The following MAST3 variants were observed in gnomAD, a reference collection of about 807,000 sequenced individuals.
MAST3 encodes the protein microtubule-associated serine/threonine-protein kinase 3.
Under a neutral mutation model 127.0 loss-of-function variants are expected in MAST3, and 43 were observed. That is an observed-to-expected ratio of 0.34 (90% CI 0.27 to 0.44). MAST3 has a LOEUF of 0.44. Among genes scored for constraint, MAST3 ranks in the 20% least tolerant of loss-of-function variants. MAST3 has a pLI of 1.00. For synonymous variants in MAST3, 785 were observed against 809.2 expected (o/e 0.97, Z 0.51); for missense variants, 1,390 against 1,919.1 (o/e 0.72, Z 5.15).
Position 18,144,772 on chromosome 19 carries a change from G to A in MAST3, c.2812+79G>A. The A allele has an allele frequency of 6.8e-7, 1 of 1,474,878 alleles. No individual in the cohort carries two copies. 91.4% of individuals were successfully genotyped at this position (1,474,878 alleles called of 1,614,324 possible). On this transcript the variant is annotated intron_variant, in intron 23 of 27. Coordinates refer to ENST00000687212, the MANE Select transcript of MAST3 (RefSeq NM_001393504.1). The surrounding 1 kb of genome is among the most constrained non-coding windows in gnomAD (Gnocchi z 4.0). ...AGGGTGGGGGCCCTTCCTGAGTTGG[G>A]GAGGCTGGGGATGAGCCCCAGAAGA...
intron 20 of MAST3, among the ~76,000 whole-genome samples, chr19:18,140,644 C>T (rs958320905): frequency 2.0e-5 from 3 of 152,154 alleles, no homozygotes; most frequent in Non-Finnish European, 2.9e-5. Flanking sequence ...AAGGCTCATC[C>T]CTACTGCAGT....
At chr19:18,130,402 C>A in intron 13 of MAST3, 92 bp from the exon 14 acceptor site, 1 of 1,168,730 alleles carries the variant, frequency 8.6e-7, no homozygotes, top group Non-Finnish European at 1.2e-6. Flanking sequence ...CAGGCAAAGG[C>A]CAGGCAGGTT....
chr19:18,146,782 CCCAGCTGGTG>C (rs1208536735), intron 25 of MAST3, 89 bp from the exon 26 acceptor site: 12 of 1,226,340 alleles, frequency 9.8e-6, no homozygotes, highest in African/African-American at 1.5e-5. Flanking sequence ...GGTGGTGGGT[CCCAGCTGGTG>C]CCCGGAGTGA....
chr19:18,129,121 C>T (rs936062888), intron 13 of MAST3, 170 bp downstream of exon 13: 122 of 639,900 alleles, frequency 1.9e-4, no homozygotes, highest in South Asian at 1.2e-3. Flanking sequence ...CACGCCATAG[C>T]GAGGTTACAG....
Position 18,144,678 on chromosome 19 carries a change from C to G in MAST3, c.2797C>G (p.Leu933Val). The G allele has an allele frequency of 6.2e-7, 1 of 1,608,726 alleles. No individual in the cohort carries two copies. Among genetic ancestry groups the G allele is most frequent in the South Asian group, 1.1e-5 (1 of 91,088 alleles). The change falls in exon 23 of 28, where the codon CTC becomes GTC. Residue 933 changes from leucine to valine, a missense_variant. Leu to Val is a conservative substitution (Grantham distance 32). Around this residue, in one of 5 missense-constraint regions of MAST3, gnomAD observed 816 missense variants for 934.1 expected, o/e 0.87. Coordinates refer to ENST00000687212, the MANE Select transcript of MAST3 (RefSeq NM_001393504.1). The surrounding 1 kb of genome is among the most constrained non-coding windows in gnomAD (Gnocchi z 4.0). ...PKSASVSALS[L>V]IITADDGSGG... Reference sequence around the variant, plus strand: ...GTCAGCCTCTGTCTCTGCCCTGTCCCTCATCATCACGGCAGGTAATGCCCA... The same window carrying G: ...GTCAGCCTCTGTCTCTGCCCTGTCCGTCATCATCACGGCAGGTAATGCCCA...
At position 18,150,066 on chromosome 19, in the gene MAST3, A is replaced by G. The variant is rs1306372336; in HGVS notation, c.*340A>G. Reference sequence around the variant, plus strand: ...CAGCGGCGTGATCTCAGCTCACTGCAACCTCCGCCTCCCAAGTTCAAGCGA... The same window carrying G: ...CAGCGGCGTGATCTCAGCTCACTGCGACCTCCGCCTCCCAAGTTCAAGCGA... On this transcript the variant is annotated 3_prime_UTR_variant, in exon 28 of 28. Transcript: ENST00000687212. 4.1e-6 allele frequency: 1 copy of G among 246,856 alleles called. No homozygotes were observed. The highest frequency in any genetic ancestry group is 2.4e-5 in the African/African-American group (1 of 41,078). The allele number at this position is 246,856 out of a possible 1,614,324, so 15.3% of individuals were successfully genotyped here. A position where few individuals can be genotyped will look rare whatever the true frequency, so the allele number is the denominator to read the frequency against.
At position 18,149,266 on chromosome 19, in the gene MAST3, G is replaced by C; in HGVS notation, c.3584G>C (p.Arg1195Pro). The change falls in exon 28 of 28, where the codon CGC becomes CCC. Residue 1195 changes from arginine (R) to proline (P), a missense_variant. Physicochemically the swap from Arg to Pro is moderately radical, Grantham distance 103. Around this residue, in one of 5 missense-constraint regions of MAST3, gnomAD observed 816 missense variants for 934.1 expected, o/e 0.87. Coordinates refer to ENST00000687212, the MANE Select transcript of MAST3 (RefSeq NM_001393504.1). This position sits in a 1 kb window ranked among gnomAD's most constrained non-coding sequence, Gnocchi z 5.9. ...TCCCCAGCTGCTGCTGGCCACACCC[G>C]CCCCAGCTCCCTGCACGGCCTGGCT... Reference protein sequence around the residue: ...PASPAAAGHTRPSSLHGLAAK... With the variant: ...PASPAAAGHTPPSSLHGLAAK... The C allele has an allele frequency of 6.9e-7, 1 of 1,442,430 alleles. No individual in the cohort carries two copies. Among genetic ancestry groups the C allele is most frequent in the Non-Finnish European group, 9.2e-7 (1 of 1,091,506 alleles). 89.4% of individuals were successfully genotyped at this position (1,442,430 alleles called of 1,614,324 possible).
intron 13 of MAST3, chr19:18,129,488 G>A (rs12609740): frequency 0.11 from 16,824 of 153,604 alleles, 1,175 homozygotes; most frequent in Admixed American, 0.15. Flanking sequence ...AGCAGCTTAG[G>A]GTCTTGAAAT....
In MAST3 at chr19:18,149,739, T is replaced by G. The variant is rs767536822; in HGVS notation, c.*13T>G. On this transcript the variant is annotated 3_prime_UTR_variant, in exon 28 of 28. Coordinates refer to ENST00000687212, the MANE Select transcript of MAST3 (RefSeq NM_001393504.1). This position sits in a 1 kb window ranked among gnomAD's most constrained non-coding sequence, Gnocchi z 5.9. Reference sequence around the variant, plus strand: ...CGGAAGAGACTGATCCCCTGCCAGGTCTCTCCCTGGCATCAAAGTTACGCG... The same window carrying G: ...CGGAAGAGACTGATCCCCTGCCAGGGCTCTCCCTGGCATCAAAGTTACGCG... The G allele has an allele frequency of 1.7e-5, 28 of 1,610,378 alleles. No individual in the cohort carries two copies. In the South Asian group the frequency reaches 3.0e-4, roughly 17 times the overall value.
At chr19:18,103,730 G>A (rs2146824360) in intron 1 of MAST3, among the ~76,000 whole-genome samples, 1 of 152,244 alleles carries the variant, frequency 6.6e-6, no homozygotes, top group South Asian at 2.1e-4. Context: ...TTCCAAATGA[G>A]AAAACTGAGG....
chr19:18,125,496 C>G (rs2040506841), intron 11 of MAST3, among the ~76,000 whole-genome samples: 1 of 147,814 alleles, frequency 6.8e-6, no homozygotes, highest in Admixed American at 6.7e-5. Context: ...AATCCCAGCA[C>G]TTTTGGGAGG....
Position 18,121,837 on chromosome 19 carries a change from GCCT to G in MAST3, c.251-8_251-6del, listed in dbSNP as rs753512725. The stretch of plus-strand genomic sequence containing the variant: ...TCTGCCCCGCTGACTCAGTTTCCCC[GCCT>G]CCTCCTCAGCAGGCAGCAGCCCCTT... On this transcript the variant is annotated splice_polypyrimidine_tract_variant and intron_variant, in intron 4 of 27. Coordinates refer to ENST00000687212, the MANE Select transcript of MAST3 (RefSeq NM_001393504.1). 46 of 1,613,798 alleles carry G rather than the reference GCCT, an allele frequency of 2.9e-5. No individual in the cohort carries two copies. The highest frequency in any genetic ancestry group is 4.5e-5 in the East Asian group (2 of 44,896).
intron 3 of MAST3, among the ~76,000 whole-genome samples, chr19:18,117,539 C>T (rs2039419496): frequency 6.6e-6 from 1 of 152,132 alleles, no homozygotes; most frequent in Admixed American, 6.5e-5. Flanking sequence ...AAGACATAGC[C>T]GGACAGACAG....
Position 18,139,043 on chromosome 19 carries a change from C to G in MAST3, c.2124C>G (p.Gly708=). The G allele has an allele frequency of 1.3e-6, 2 of 1,598,818 alleles. No individual in the cohort carries two copies. The highest frequency in any genetic ancestry group is 1.7e-6 in the Non-Finnish European group (2 of 1,172,832). Residue 708 remains glycine (G), a synonymous_variant, in exon 20 of 28, where the codon GGC becomes GGG. Transcript: ENST00000687212. Reference sequence around the variant, plus strand: ...GTTCGGAACGTTACCGCCATCTGGGCTCCGAGGACGACGAGACCAATGATG... The same window carrying G: ...GTTCGGAACGTTACCGCCATCTGGGGTCCGAGGACGACGAGACCAATGATG... The part of the protein sequence containing the change: ...DTRSERYRHL[G]SEDDETNDEE...
intron 3 of MAST3, among the ~76,000 whole-genome samples, chr19:18,113,434 C>A (rs1290127367): frequency 6.6e-6 from 1 of 152,064 alleles, no homozygotes; most frequent in Non-Finnish European, 1.5e-5. Context: ...CAGGCATGCA[C>A]CACTACACTC....
rs568997316 is a variant in MAST3 at position 18,129,167 on chromosome 19, C to T, written c.1223+216C>T. 5 of 568,908 alleles carry T rather than the reference C, an allele frequency of 8.8e-6. No individual in the cohort carries two copies. The African/African-American group carries it at 9.4e-5, about 11-fold the overall frequency. 35.2% of individuals were successfully genotyped at this position (568,908 alleles called of 1,614,324 possible). On this transcript the variant is annotated intron_variant, in intron 13 of 27. Transcript: ENST00000687212. ...GCTCTGTCCACGAGCCAGGCCTTTA[C>T]CTGCCCCAGGTGTAGGGCGTTCTAG...
intron 25 of MAST3, among the ~76,000 whole-genome samples, chr19:18,146,228 C>T (rs1376716330): frequency 2.0e-5 from 3 of 152,154 alleles, no homozygotes; most frequent in Admixed American, 6.5e-5. Context: ...CACCTGAGCT[C>T]AGGACTTTGA....
intron 15 of MAST3, among the ~76,000 whole-genome samples, chr19:18,133,195 GGGCCT>G (rs1401916505): frequency 1.3e-5 from 2 of 151,990 alleles, no homozygotes; most frequent in Admixed American, 1.3e-4. Context: ...CTGTATACTT[GGGCCT>G]GTGCTCGATG....
chr19:18,109,166 G>C (rs1050382472), intron 2 of MAST3, among the ~76,000 whole-genome samples: 2 of 152,162 alleles, frequency 1.3e-5, no homozygotes, highest in Middle Eastern at 3.2e-3. Context: ...CTTGGCGTTA[G>C]AAGAACAGCA....
Sources: allele counts gnomAD v4.1 joint callset (sites outside exome capture counted in the v4.1 genomes callset), GRCh38; gene constraint gnomAD v4.1.1; regional missense constraint gnomAD v4.1.1; non-coding constraint Gnocchi (gnomAD v3.1); transcripts MANE v1.5; gene names NCBI Gene and HGNC (gene_info 2026-07-23, HGNC 2026-07-21).